IL6R: variants seen among roughly 807,000 people sequenced by gnomAD.
The protein encoded by IL6R is interleukin 6 receptor.
In IL6R, 38 loss-of-function variants were observed where a neutral mutation model predicts 48.3. The observed-to-expected ratio is 0.79, with a 90% CI of 0.61 to 1.03. The LOEUF (loss-of-function observed/expected upper bound fraction) is 1.03, where lower values mean the gene tolerates loss of function less well. IL6R is among the 50% of genes least tolerant of loss of function. IL6R has a pLI of 0.00. For missense variants in IL6R, 534 were observed against 618.3 expected, an observed-to-expected ratio of 0.86 and a Z score of 1.45; for synonymous variants, 264 against 256.2, an observed-to-expected ratio of 1.03 and a Z score of -0.29.
chr1:154,435,971 C>T lies in IL6R; in HGVS notation c.810C>T (p.Val270=), dbSNP rs776529084. The change falls in exon 6 of 10, where the codon GTC becomes GTT. Residue 270 remains valine (V), a splice_region_variant and synonymous_variant. Coordinates refer to ENST00000368485, the MANE Select transcript of IL6R (RefSeq NM_000565.4). ...AGTCACCGTGCCCCCGCCCTCAGGT[C>T]AAGGACCTCCAGCATCACTGTGTCA... is the stretch of plus-strand genomic sequence containing the variant. The part of the protein sequence containing the change: ...ERSKTFTTWM[V]KDLQHHCVIH... 31 of 1,602,608 alleles carry T rather than the reference C, an allele frequency of 1.9e-5. No individual in the cohort carries two copies. The South Asian group carries it at 3.3e-4, about 17-fold the overall frequency.
rs1275092473 is a variant in IL6R, at chr1:154,435,166, T to A, written c.807+10T>A. ...ATTCACAACATGGATGGTAAATTTATGTTTTACTTCTGGTCAGAGAGGCGC... is the reference window on the plus strand; with the variant it reads ...ATTCACAACATGGATGGTAAATTTAAGTTTTACTTCTGGTCAGAGAGGCGC... On this transcript the variant is annotated intron_variant, in intron 5 of 9. Coordinates refer to ENST00000368485, the MANE Select transcript of IL6R (RefSeq NM_000565.4). The A allele has an allele frequency of 3.1e-6, 5 of 1,613,428 alleles. No individual in the cohort carries two copies. The highest frequency in any genetic ancestry group is 2.7e-5 in the African/African-American group (2 of 74,906).
chr1:154,453,268 T>C (rs1474105210), intron 8 of IL6R, among the ~76,000 whole-genome samples: 3 of 152,224 alleles, frequency 2.0e-5, no homozygotes, highest in Admixed American at 6.5e-5. Context: ...AAGCCAAGCA[T>C]ACTGCTTTCA....
intron 4 of IL6R, 115 bp downstream of exon 4, chr1:154,434,815 C>T: frequency 4.9e-6 from 6 of 1,235,214 alleles, no homozygotes; most frequent in Non-Finnish European, 5.7e-6. Context: ...TGAGTTGGTG[C>T]CTTTTGGGCG....
At position 154,466,067 on chromosome 1, in the gene IL6R, T is replaced by C. The variant is rs1691539779; in HGVS notation, c.*687T>C. On this transcript the variant is annotated 3_prime_UTR_variant, in exon 10 of 10. Transcript: ENST00000368485. ...TCATTAGCATTTTGCTAAATGTGAA[T>C]GATGATCCTAGGCATTTGCTGAATA... 1 of 152,954 alleles carries C rather than the reference T, an allele frequency of 6.5e-6. No individual in the cohort carries two copies. Among genetic ancestry groups the C allele is most frequent in the Admixed American group, 6.5e-5 (1 of 15,300 alleles). 9.5% of individuals were successfully genotyped at this position (152,954 alleles called of 1,614,324 possible).
chr1:154,435,847 G>A, intron 5 of IL6R, 122 bp from the exon 6 acceptor site: 1 of 796,676 alleles, frequency 1.3e-6, no homozygotes, highest in Non-Finnish European at 1.9e-6. Flanking sequence ...GGGGTTGTGG[G>A]AGCCTCTAGA....
At chr1:154,461,095 A>G (rs1172230431) in intron 9 of IL6R, among the ~76,000 whole-genome samples, 1 of 152,212 alleles carries the variant, frequency 6.6e-6, no homozygotes, top group African/African-American at 2.4e-5. Flanking sequence ...GCTGAAGCAG[A>G]GAGCAGGCAG....
At chr1:154,448,875 C>CTTA (rs55844786) in intron 7 of IL6R, among the ~76,000 whole-genome samples, 1 of 73,304 alleles carries the variant, frequency 1.4e-5, no homozygotes, top group South Asian at 5.0e-4. Context: ...CTTGTAAGGG[C>CTTA]TTTTTTTTTT....
At chr1:154,452,398 A>T (rs1323171718) in intron 8 of IL6R, among the ~76,000 whole-genome samples, 1 of 151,738 alleles carries the variant, frequency 6.6e-6, no homozygotes, top group Non-Finnish European at 1.5e-5. Context: ...CACATGCTCT[A>T]CCTCAGGGCC....
intron 1 of IL6R, among the ~76,000 whole-genome samples, chr1:154,418,778 C>T (rs944005539): frequency 2.0e-5 from 3 of 152,110 alleles, no homozygotes; most frequent in Non-Finnish European, 2.9e-5. Context: ...TCATCCTATA[C>T]ACGCTGCGGC....
At chr1:154,460,811 G>A (rs780069662) in intron 9 of IL6R, among the ~76,000 whole-genome samples, 21 of 152,170 alleles carry the variant, frequency 1.4e-4, no homozygotes, top group Non-Finnish European at 2.4e-4. Context: ...GGGTCCAGCC[G>A]TACGGAGCTT....
chr1:154,435,885 G>A, intron 5 of IL6R, 84 bp from the exon 6 acceptor site: 2 of 1,251,586 alleles, frequency 1.6e-6, no homozygotes, highest in Non-Finnish European at 2.2e-6. Flanking sequence ...GCACAGGGCT[G>A]GCCAAGGCAC....
In IL6R at chr1:154,465,549, C is replaced by T; in HGVS notation, c.*169C>T. 2 of 692,446 alleles carry T rather than the reference C, an allele frequency of 2.9e-6. No homozygotes were observed. The highest frequency in any genetic ancestry group is 3.7e-5 in the South Asian group (2 of 53,590). The allele number at this position is 692,446 out of a possible 1,614,324, so 42.9% of individuals were successfully genotyped here. A position where few individuals can be genotyped will look rare whatever the true frequency, so the allele number is the denominator to read the frequency against. ...ACGCCAGGGGAAAATCAGCCTGCTC[C>T]AGCTGTTCAGCTGGTTGAGGTTTCA... On this transcript the variant is annotated 3_prime_UTR_variant, in exon 10 of 10. Transcript: ENST00000368485.
At chr1:154,461,062 C>T (rs751833829) in intron 9 of IL6R, among the ~76,000 whole-genome samples, 61 of 152,144 alleles carry the variant, frequency 4.0e-4, no homozygotes, top group Non-Finnish European at 5.7e-4. Flanking sequence ...ATTACAGGAT[C>T]GGGGGCCCTT....
At chr1:154,427,837 A>G (rs1208554089) in intron 1 of IL6R, among the ~76,000 whole-genome samples, 2 of 152,138 alleles carry the variant, frequency 1.3e-5, no homozygotes, top group Admixed American at 6.5e-5. Flanking sequence ...CCTGCCAAGT[A>G]TGAGATAAAA....
intron 6 of IL6R, among the ~76,000 whole-genome samples, chr1:154,445,891 G>A (rs1468081775): frequency 6.6e-6 from 1 of 152,116 alleles, no homozygotes; most frequent in East Asian, 1.9e-4. Context: ...TCCATGGGCA[G>A]CCATATTTTC....
At chr1:154,457,327 A>G (rs1388049832) in intron 9 of IL6R, among the ~76,000 whole-genome samples, 1 of 149,872 alleles carries the variant, frequency 6.7e-6, no homozygotes, top group Non-Finnish European at 1.5e-5. Context: ...CGTCTCAAAA[A>G]AAAAAAAAAA....
At chr1:154,460,670 G>A (rs181233631) in intron 9 of IL6R, among the ~76,000 whole-genome samples, 1 of 152,314 alleles carries the variant, frequency 6.6e-6, no homozygotes, top group East Asian at 1.9e-4. Flanking sequence ...ACAGCGCCAT[G>A]AAGTGTACAC....
intron 1 of IL6R, among the ~76,000 whole-genome samples, chr1:154,409,375 C>T (rs1687900027): frequency 6.6e-6 from 1 of 152,174 alleles, no homozygotes; most frequent in Non-Finnish European, 1.5e-5. Flanking sequence ...CTCTCCTCCA[C>T]CTGAACACAG....
chr1:154,440,456 T>A (rs551957299), intron 6 of IL6R, among the ~76,000 whole-genome samples: 2 of 152,326 alleles, frequency 1.3e-5, no homozygotes, highest in African/African-American at 4.8e-5. Flanking sequence ...ATTCTATTTT[T>A]AAATTTTCAT....
Sources: allele counts gnomAD v4.1 joint callset (sites outside exome capture counted in the v4.1 genomes callset), GRCh38; gene constraint gnomAD v4.1.1; transcripts MANE v1.5; gene names NCBI Gene and HGNC (gene_info 2026-07-23, HGNC 2026-07-21).